GNAI1: variants seen among roughly 807,000 people sequenced by gnomAD.
GNAI1 encodes G protein subunit alpha i1.
A neutral mutation model predicts 38.9 loss-of-function variants in GNAI1; 11 were observed. The ratio of observed to expected loss-of-function variants is 0.28; its 90% CI spans 0.18 to 0.47. The LOEUF is 0.47. GNAI1 is among the 20% of genes least tolerant of loss of function. The pLI is 0.99. For synonymous variants in GNAI1, 166 were observed against 145.1 expected (o/e 1.14, Z -1.04); for missense variants, 317 against 436.9 (o/e 0.73, Z 2.45).
At chr7:80,140,458 TCTAA>T (rs1286371779) in intron 1 of GNAI1, among the ~76,000 whole-genome samples, 13 of 152,232 alleles carry the variant, frequency 8.5e-5, no homozygotes, top group African/African-American at 3.1e-4. Context: ...GTTACACATG[TCTAA>T]CTGCCTTGGA....
intron 1 of GNAI1, among the ~76,000 whole-genome samples, chr7:80,176,671 C>T (rs1266989332): frequency 6.6e-6 from 1 of 152,046 alleles, no homozygotes; most frequent in East Asian, 1.9e-4. Flanking sequence ...TGTGGTGGCT[C>T]ACGCCTGTAA....
intron 4 of GNAI1, among the ~76,000 whole-genome samples, chr7:80,203,072 G>C (rs1168819135): frequency 6.6e-6 from 1 of 152,142 alleles, no homozygotes; most frequent in African/African-American, 2.4e-5. Context: ...TACATTGCAT[G>C]GTATGATACT....
intron 3 of GNAI1, among the ~76,000 whole-genome samples, chr7:80,198,087 T>G (rs1361028846): frequency 1.3e-5 from 2 of 151,952 alleles, no homozygotes; most frequent in Non-Finnish European, 2.9e-5. Context: ...TGTTTTGTTT[T>G]TTTTTTAATT....
intron 1 of GNAI1, among the ~76,000 whole-genome samples, chr7:80,146,363 C>T (rs1321633459): frequency 2.0e-5 from 3 of 152,114 alleles, no homozygotes; most frequent in Non-Finnish European, 4.4e-5. Flanking sequence ...TCTGCCTCTT[C>T]TCCCATTATT....
chr7:80,177,426 T>C (rs553333890), intron 1 of GNAI1, among the ~76,000 whole-genome samples: 2 of 152,208 alleles, frequency 1.3e-5, no homozygotes, highest in African/African-American at 4.8e-5. Flanking sequence ...ATATTTCTGC[T>C]CTTTCACAAT....
intron 5 of GNAI1, among the ~76,000 whole-genome samples, chr7:80,208,486 CATT>C (rs748363571): frequency 5.9e-5 from 9 of 152,144 alleles, no homozygotes; most frequent in Non-Finnish European, 1.2e-4. Context: ...AGTTCTCTGT[CATT>C]GTTGCTTCTG....
Position 80,224,144 on chromosome 7 carries a change from T to C in GNAI1, c.*6651T>C, listed in dbSNP as rs1414275545. Among the ~76,000 whole-genome samples, 1 of 152,206 alleles carries C rather than the reference T, an allele frequency of 6.6e-6. No individual in the cohort carries two copies. Among genetic ancestry groups the C allele is most frequent in the Non-Finnish European group, 1.5e-5 (1 of 68,036 alleles). On this transcript the variant is annotated 3_prime_UTR_variant, in exon 8 of 8. Coordinates refer to ENST00000649796, the MANE Select transcript of GNAI1 (RefSeq NM_002069.6). ...CCACGAACTCCTCCATTATTTAAAA[T>C]ATGTTAGAGATACATAAATATATAG...
intron 1 of GNAI1, among the ~76,000 whole-genome samples, chr7:80,150,831 A>G (rs1011415988): frequency 4.6e-5 from 7 of 152,006 alleles, no homozygotes; most frequent in Non-Finnish European, 8.8e-5. Context: ...TCCTTATTGC[A>G]TTGCATTGTC....
At chr7:80,143,562 A>G (rs1787564456) in intron 1 of GNAI1, among the ~76,000 whole-genome samples, 1 of 152,106 alleles carries the variant, frequency 6.6e-6, no homozygotes, top group Non-Finnish European at 1.5e-5. Context: ...AGGTTTATTT[A>G]GCTCTGTAGA....
intron 1 of GNAI1, among the ~76,000 whole-genome samples, chr7:80,177,231 C>T (rs1032159348): frequency 6.6e-6 from 1 of 151,734 alleles, no homozygotes; most frequent in African/African-American, 2.4e-5. Context: ...GGGGTTTCAC[C>T]GTGTTAGCCA....
intron 1 of GNAI1, chr7:80,135,940 G>T: frequency 1.0e-6 from 1 of 985,366 alleles, no homozygotes; most frequent in Non-Finnish European, 1.2e-6. Context: ...AGTGGGGTTG[G>T]GAAGCTTTGC....
intron 1 of GNAI1, among the ~76,000 whole-genome samples, chr7:80,180,628 G>A (rs1788277301): frequency 6.6e-6 from 1 of 152,102 alleles, no homozygotes; most frequent in Non-Finnish European, 1.5e-5. Context: ...ACTTGGCACA[G>A]GGGTAGTCAA....
chr7:80,177,762 C>T (rs377632093), intron 1 of GNAI1, among the ~76,000 whole-genome samples: 2 of 152,328 alleles, frequency 1.3e-5, no homozygotes, highest in East Asian at 3.9e-4. Context: ...GTTTGAGCCA[C>T]TGTGCCCAGC....
chr7:80,137,038 C>T (rs1787427399), intron 1 of GNAI1, among the ~76,000 whole-genome samples: 1 of 152,094 alleles, frequency 6.6e-6, no homozygotes. Context: ...GGCCTCCGCT[C>T]ATTGGATGCT....
At chr7:80,211,266 A>T (rs1366135973) in intron 6 of GNAI1, among the ~76,000 whole-genome samples, 168 bp downstream of exon 6, 1 of 152,176 alleles carries the variant, frequency 6.6e-6, no homozygotes, top group Non-Finnish European at 1.5e-5. Flanking sequence ...GATCTTGAGG[A>T]AAAGGAAAAC....
intron 1 of GNAI1, among the ~76,000 whole-genome samples, chr7:80,140,749 T>A (rs1274670808): frequency 6.6e-6 from 1 of 152,216 alleles, no homozygotes; most frequent in African/African-American, 2.4e-5. Flanking sequence ...TTTTAATGAA[T>A]GTTCATTACC....
intron 1 of GNAI1, among the ~76,000 whole-genome samples, chr7:80,163,032 A>T (rs1439991203): frequency 6.6e-6 from 1 of 152,164 alleles, no homozygotes; most frequent in African/African-American, 2.4e-5. Context: ...CTGATGATAG[A>T]TTCAAGGAAG....
chr7:80,141,206 G>A (rs1300688901), intron 1 of GNAI1, among the ~76,000 whole-genome samples: 1 of 152,104 alleles, frequency 6.6e-6, no homozygotes, highest in Non-Finnish European at 1.5e-5. Context: ...CCGCCCTCTG[G>A]CTCCCAAAGG....
rs59511755 is a variant in GNAI1, at chr7:80,200,324, C to CAAAAAAA, written c.461+959_461+965dup. On this transcript the variant is annotated intron_variant, in intron 4 of 7. Coordinates refer to ENST00000649796, the MANE Select transcript of GNAI1 (RefSeq NM_002069.6). ...CTGGAGATGGAGTGAGGCCATGTCT[C>CAAAAAAA]AAAAAAAAAAAAAAAAAAAAAAACC... is the stretch of plus-strand genomic sequence containing the variant. Among the ~76,000 whole-genome samples, 49 of 40,350 alleles carry CAAAAAAA rather than the reference C, an allele frequency of 1.2e-3. 5 individuals carry two copies. Among genetic ancestry groups the CAAAAAAA allele is most frequent in the African/African-American group, 3.8e-3 (23 of 6,044 alleles). 26.5% of individuals were successfully genotyped at this position (40,350 alleles called of 152,430 possible). A position where few individuals can be genotyped will look rare whatever the true frequency, so the allele number is the denominator to read the frequency against.
Sources: allele counts gnomAD v4.1 joint callset (sites outside exome capture counted in the v4.1 genomes callset), GRCh38; gene constraint gnomAD v4.1.1; transcripts MANE v1.5; gene names NCBI Gene and HGNC (gene_info 2026-07-23, HGNC 2026-07-21).